The following EPX variants were observed in gnomAD, a reference collection of about 807,000 sequenced individuals.
The protein encoded by EPX is eosinophil peroxidase.
A neutral mutation model predicts 73.0 loss-of-function variants in EPX; 60 were observed. The ratio of observed to expected loss-of-function variants is 0.82; its 90% CI spans 0.67 to 1.02. EPX has a LOEUF of 1.02. Ranked by LOEUF, EPX falls within the 50% of genes least tolerant of loss-of-function variation. The pLI is 0.00. For synonymous variants in EPX, 347 were observed against 389.2 expected (o/e 0.89, Z 1.28); for missense variants, 950 against 973.9 (o/e 0.98, Z 0.33).
chr17:58,203,212 A>C lies in EPX; in HGVS notation c.1840A>C (p.Ile614Leu), dbSNP rs1968364725. 1 of 1,614,016 alleles carries C rather than the reference A, an allele frequency of 6.2e-7. No individual in the cohort carries two copies. The highest frequency in any genetic ancestry group is 1.3e-5 in the African/African-American group (1 of 74,924). Residue 614 changes from isoleucine (I) to leucine (L), a missense_variant, in exon 11 of 13, where the codon ATC (isoleucine) becomes CTC (leucine). Physicochemically the swap from Ile to Leu is conservative, Grantham distance 5. Transcript: ENST00000225371. Reference sequence around the variant, plus strand: ...GTATGGAACACCTGACAACATTGACATCTGGATTGGGGCCATCGCTGAGCC... The same window carrying C: ...GTATGGAACACCTGACAACATTGACCTCTGGATTGGGGCCATCGCTGAGCC... The part of the protein sequence containing the change: ...NLYGTPDNID[I>L]WIGAIAEPLL...
rs2143703283 is a variant in EPX at position 58,193,149 on chromosome 17, G to A, written c.170+18G>A. ...CAGAAGAGGTGGACTTGGGTCTGGG[G>A]GCTGCATGGGCCTGGGAGGATCAGT... On this transcript the variant is annotated intron_variant, in intron 2 of 12. Coordinates refer to ENST00000225371, the MANE Select transcript of EPX (RefSeq NM_000502.6). 2 of 1,548,490 alleles carry A rather than the reference G, an allele frequency of 1.3e-6. No individual in the cohort carries two copies. The highest frequency in any genetic ancestry group is 2.2e-5 in the East Asian group (1 of 44,566).
chr17:58,200,429 G>T, intron 10 of EPX, 34 bp downstream of exon 10: 1 of 1,609,232 alleles, frequency 6.2e-7, no homozygotes. Flanking sequence ...TCCCAGCTTT[G>T]CTCGGGCCAG....
chr17:58,194,391 G>C (rs1383513834), intron 5 of EPX, among the ~76,000 whole-genome samples: 1 of 152,132 alleles, frequency 6.6e-6, no homozygotes, highest in African/African-American at 2.4e-5. Flanking sequence ...GAAAATTAGT[G>C]TCAAAGTCTT....
Position 58,197,049 on chromosome 17 carries a change from G to T in EPX, c.912G>T (p.Ala304=), listed in dbSNP as rs753929272. ...NKNRVRNQIN[A]LTSFVDASMV... is the part of the protein sequence containing the mutation. ...ACAGAGTCCGCAACCAGATCAACGC[G>T]CTCACCTCCTTTGTGGACGCCAGCA... Residue 304 remains alanine, a synonymous_variant, in exon 7 of 13, where the codon GCG becomes GCT. Transcript: ENST00000225371. 11 of 1,614,002 alleles carry T rather than the reference G, an allele frequency of 6.8e-6. No homozygotes were observed. The African/African-American group carries it at 1.2e-4, about 18-fold the overall frequency.
chr17:58,193,377 G>A lies in EPX; in HGVS notation c.177G>A (p.Lys59=), dbSNP rs1232050763. 6.2e-7 allele frequency: 1 copy of A among 1,614,074 alleles called. No homozygotes were observed. The highest frequency in any genetic ancestry group is 1.3e-5 in the African/African-American group (1 of 74,934). Residue 59 remains lysine (K), a synonymous_variant, in exon 3 of 13, where the codon AAG becomes AAA. Coordinates refer to ENST00000225371, the MANE Select transcript of EPX (RefSeq NM_000502.6). ...CTCCTCCTCTCCTGGGCAGCATCAAGCAGCGGCTTCGCAGCGGTTCAGCCA... is the reference window on the plus strand; with the variant it reads ...CTCCTCCTCTCCTGGGCAGCATCAAACAGCGGCTTCGCAGCGGTTCAGCCA... The part of the protein sequence containing the change: ...AAYNWTQKSI[K]QRLRSGSASP...
intron 7 of EPX, among the ~76,000 whole-genome samples, chr17:58,198,772 G>T (rs899092404): frequency 6.6e-6 from 1 of 152,202 alleles, no homozygotes; most frequent in African/African-American, 2.4e-5. Context: ...CTTAGGCAAA[G>T]ATGCCCCTGC....
chr17:58,193,381 C>A lies in EPX; in HGVS notation c.181C>A (p.Arg61=). The A allele has an allele frequency of 6.2e-7, 1 of 1,614,148 alleles. No individual in the cohort carries two copies. Among genetic ancestry groups the A allele is most frequent in the Non-Finnish European group, 8.5e-7 (1 of 1,179,982 alleles). The change falls in exon 3 of 13, where the codon CGG becomes AGG. Residue 61 remains arginine (R), a synonymous_variant. Coordinates refer to ENST00000225371, the MANE Select transcript of EPX (RefSeq NM_000502.6). ...TCCTCTCCTGGGCAGCATCAAGCAG[C>A]GGCTTCGCAGCGGTTCAGCCAGCCC... ...YNWTQKSIKQ[R]LRSGSASPMD...
chr17:58,197,264 C>A lies in EPX; in HGVS notation c.1120+7C>A, dbSNP rs1006152945. ...ATCCCCTGCTTCCTGGCAGGTCAGACAGGGAGGAAGGTGGTGTCTTCCCAG... is the reference window on the plus strand; with the variant it reads ...ATCCCCTGCTTCCTGGCAGGTCAGAAAGGGAGGAAGGTGGTGTCTTCCCAG... On this transcript the variant is annotated splice_region_variant and intron_variant, in intron 7 of 12. Coordinates refer to ENST00000225371, the MANE Select transcript of EPX (RefSeq NM_000502.6). The A allele has an allele frequency of 6.2e-7, 1 of 1,610,216 alleles. No individual in the cohort carries two copies. Among genetic ancestry groups the A allele is most frequent in the African/African-American group, 1.3e-5 (1 of 74,924 alleles).
rs1968208088 is a variant in EPX at position 58,193,536 on chromosome 17, C to T, written c.336C>T (p.Phe112=). The T allele has an allele frequency of 6.2e-7, 1 of 1,614,122 alleles. No individual in the cohort carries two copies. ...TACAACCCCAGCGGTCCGGACCCTTCAATGTCACTGGTACTCTGATCCCCA... is the reference window on the plus strand; with the variant it reads ...TACAACCCCAGCGGTCCGGACCCTTTAATGTCACTGGTACTCTGATCCCCA... ...EKLQPQRSGP[F]NVTDVLTEPQ... is the part of the protein sequence containing the mutation. Residue 112 remains phenylalanine, a synonymous_variant, in exon 3 of 13, where the codon TTC becomes TTT. Coordinates refer to ENST00000225371, the MANE Select transcript of EPX (RefSeq NM_000502.6).
Position 58,203,075 on chromosome 17 carries a change from C to T in EPX, c.1709-6C>T, listed in dbSNP as rs201978505. The T allele has an allele frequency of 3.1e-6, 5 of 1,607,902 alleles. No individual in the cohort carries two copies. Among genetic ancestry groups the T allele is most frequent in the Non-Finnish European group, 1.7e-6 (2 of 1,174,756 alleles). ...ACTGAAGCTGCTTCTCCCCGTTCCC[C>T]TGCAGGGTACAATGCTTGGAGGCGC... On this transcript the variant is annotated splice_polypyrimidine_tract_variant and splice_region_variant and intron_variant, in intron 10 of 12. Coordinates refer to ENST00000225371, the MANE Select transcript of EPX (RefSeq NM_000502.6).
chr17:58,197,512 C>T (rs980103322), intron 7 of EPX, among the ~76,000 whole-genome samples: 5 of 152,240 alleles, frequency 3.3e-5, no homozygotes, highest in African/African-American at 1.2e-4. Flanking sequence ...GGCACCCCAG[C>T]TCAGCCACAG....
At chr17:58,195,194 C>T (rs1348686017) in intron 6 of EPX, 24 bp downstream of exon 6, 1 of 1,593,908 alleles carries the variant, frequency 6.3e-7, no homozygotes, top group East Asian at 2.2e-5. Flanking sequence ...GCCAATCTCC[C>T]ATGCCCTTGT....
chr17:58,204,861 C>A lies in EPX; in HGVS notation c.*137C>A, dbSNP rs1362106027. On this transcript the variant is annotated 3_prime_UTR_variant, in exon 13 of 13. Coordinates refer to ENST00000225371, the MANE Select transcript of EPX (RefSeq NM_000502.6). ...CTGGCTACAGCTCAGAGCTGGGTTCCCCAGCCAGGAGTGAAGGCTGGGGGC... is the reference window on the plus strand; with the variant it reads ...CTGGCTACAGCTCAGAGCTGGGTTCACCAGCCAGGAGTGAAGGCTGGGGGC... The A allele has an allele frequency of 4.9e-6, 1 of 205,048 alleles. No individual in the cohort carries two copies. Among genetic ancestry groups the A allele is most frequent in the African/African-American group, 2.3e-5 (1 of 43,356 alleles). The allele number at this position is 205,048 out of a possible 1,614,324, so 12.7% of individuals were successfully genotyped here. A position where few individuals can be genotyped will look rare whatever the true frequency, so the allele number is the denominator to read the frequency against.
At position 58,199,572 on chromosome 17, in the gene EPX, C is replaced by A. The variant is rs748603653; in HGVS notation, c.1315C>A (p.Leu439Met). The A allele has an allele frequency of 9.9e-6, 16 of 1,614,068 alleles. No homozygotes were observed. In the African/African-American group the frequency reaches 2.0e-4, roughly 20 times the overall value. Residue 439 changes from leucine to methionine, a missense_variant, in exon 9 of 13, where the codon CTG becomes ATG. By Grantham distance (15) the Leu-to-Met change is conservative. Coordinates refer to ENST00000225371, the MANE Select transcript of EPX (RefSeq NM_000502.6). ...CTACCGAGACTTTCTGCCCCTGGTTCTGGGCAAGGCCCGGGCCAGGAGAAC... is the reference window on the plus strand; with the variant it reads ...CTACCGAGACTTTCTGCCCCTGGTTATGGGCAAGGCCCGGGCCAGGAGAAC... ...ITYRDFLPLV[L>M]GKARARRTLG...
At chr17:58,196,800 G>A (rs946342147) in intron 6 of EPX, 139 bp from the exon 7 acceptor site, 2 of 715,468 alleles carry the variant, frequency 2.8e-6, no homozygotes, top group Non-Finnish European at 5.1e-6. Flanking sequence ...GGGGTGAGCA[G>A]CATGAGCCTG....
Position 58,200,379 on chromosome 17 carries a change from G to C in EPX, c.1692G>C (p.Arg564=). The change falls in exon 10 of 13, where the codon CGG becomes CGC. Residue 564 remains arginine, a synonymous_variant. Coordinates refer to ENST00000225371, the MANE Select transcript of EPX (RefSeq NM_000502.6). ...DLAALNMQRS[R]DHGLPGYNAW... is the part of the protein sequence containing the mutation. Reference sequence around the variant, plus strand: ...CAGCTCTCAACATGCAACGAAGCCGGGACCACGGCCTTCCAGGTGAGGGGG... The same window carrying C: ...CAGCTCTCAACATGCAACGAAGCCGCGACCACGGCCTTCCAGGTGAGGGGG... The C allele has an allele frequency of 6.2e-7, 1 of 1,614,150 alleles. No individual in the cohort carries two copies. The highest frequency in any genetic ancestry group is 1.6e-4 in the Middle Eastern group (1 of 6,062).
At chr17:58,199,334 G>C in intron 8 of EPX, 134 bp downstream of exon 8, 1 of 1,146,714 alleles carries the variant, frequency 8.7e-7, no homozygotes, top group Admixed American at 2.0e-5. Flanking sequence ...CCTGTCCTCT[G>C]GCCCCGATTC....
At chr17:58,203,017 G>A (rs1436177103) in intron 10 of EPX, 64 bp from the exon 11 acceptor site, 1 of 1,237,234 alleles carries the variant, frequency 8.1e-7, no homozygotes, top group African/African-American at 1.5e-5. Context: ...AGGACTGGTG[G>A]AGAAAAACAG....
intron 6 of EPX, among the ~76,000 whole-genome samples, chr17:58,196,099 CTTCT>C (rs1018427687): frequency 7.7e-6 from 1 of 130,694 alleles, no homozygotes; most frequent in African/African-American, 2.9e-5. Context: ...TTCTTTCTTT[CTTCT>C]TTATTATTAT....
Sources: allele counts gnomAD v4.1 joint callset (sites outside exome capture counted in the v4.1 genomes callset), GRCh38; gene constraint gnomAD v4.1.1; transcripts MANE v1.5; gene names NCBI Gene and HGNC (gene_info 2026-07-23, HGNC 2026-07-21).